Variants in ARMH3 observed in about 807,000 individuals in gnomAD.
The protein encoded by ARMH3 is armadillo-like helical domain-containing protein 3.
A neutral mutation model predicts 99.1 loss-of-function variants in ARMH3; 60 were observed. The ratio of observed to expected loss-of-function variants is 0.61; its 90% CI spans 0.49 to 0.75. The LOEUF (loss-of-function observed/expected upper bound fraction) is 0.75. ARMH3 is among the 30% of genes least tolerant of loss of function. The probability of loss-of-function intolerance (pLI) is 0.00; values close to 1 mark genes in which losing one functional copy is unlikely to be tolerated. For synonymous variants in ARMH3, 285 were observed against 292.8 expected, an observed-to-expected ratio of 0.97 and a Z score of 0.27; for missense variants, 679 against 843.1, an observed-to-expected ratio of 0.81 and a Z score of 2.41.
intron 8 of ARMH3, among the ~76,000 whole-genome samples, chr10:102,015,311 T>C (rs183592038): frequency 2.4e-4 from 37 of 151,932 alleles, no homozygotes; most frequent in East Asian, 1.2e-3. Flanking sequence ...AGAGTAACAC[T>C]AGAAAGAGCA....
chr10:101,954,067 C>G (rs1455930473), intron 22 of ARMH3, among the ~76,000 whole-genome samples: 1 of 152,158 alleles, frequency 6.6e-6, no homozygotes, highest in African/African-American at 2.4e-5. Context: ...TGGCATGTAC[C>G]TGTAGTCCCA....
At position 102,020,802 on chromosome 10, in the gene ARMH3, C is replaced by T. The variant is rs375793780; in HGVS notation, c.669+2675G>A. 4.1e-4 allele frequency among the ~76,000 whole-genome samples: 61 copies of T among 149,280 alleles called. 2 individuals are homozygous for T. The highest frequency in any genetic ancestry group is 1.5e-3 in the African/African-American group (60 of 40,530). ...TGGGAGGCAGAGATTGCAGTGAGAT[C>T]GCACCACTGCACTACAGCCTGGGCA... On this transcript the variant is annotated intron_variant, in intron 8 of 25. Coordinates refer to ENST00000370033, the MANE Select transcript of ARMH3 (RefSeq NM_024541.3).
At chr10:101,852,419 G>A (rs570518103) in intron 24 of ARMH3, among the ~76,000 whole-genome samples, 1 of 152,324 alleles carries the variant, frequency 6.6e-6, no homozygotes, top group South Asian at 2.1e-4. Context: ...GTTACAGGGA[G>A]GTGAGAGCAG....
intron 23 of ARMH3, among the ~76,000 whole-genome samples, chr10:101,906,191 T>C (rs1194501817): frequency 6.6e-6 from 1 of 152,264 alleles, no homozygotes; most frequent in Non-Finnish European, 1.5e-5. Flanking sequence ...TTTTTTCTTT[T>C]GGTATTTATT....
intron 24 of ARMH3, among the ~76,000 whole-genome samples, chr10:101,872,473 G>A (rs1469249009): frequency 1.3e-5 from 2 of 152,052 alleles, no homozygotes; most frequent in Non-Finnish European, 2.9e-5. Flanking sequence ...AAGGTGGGTG[G>A]ATCACTTGAG....
At chr10:101,958,057 T>C (rs901177310) in intron 20 of ARMH3, among the ~76,000 whole-genome samples, 2 of 152,242 alleles carry the variant, frequency 1.3e-5, no homozygotes, top group Non-Finnish European at 2.9e-5. Flanking sequence ...GATTTCCCCA[T>C]CAAATTTGCT....
At position 102,023,579 on chromosome 10, in the gene ARMH3, A is replaced by G. The variant is rs2066935722; in HGVS notation, c.583-16T>C. On this transcript the variant is annotated splice_polypyrimidine_tract_variant and intron_variant, in intron 7 of 25. Transcript: ENST00000370033. The stretch of plus-strand genomic sequence containing the variant: ...GGGAAAGTATCTGTAACAAGAACCA[A>G]AAATGCATGAGACTGCTAACTCCTG... The G allele has an allele frequency of 6.2e-7, 1 of 1,612,586 alleles. No homozygotes were observed. Among genetic ancestry groups the G allele is most frequent in the African/African-American group, 1.3e-5 (1 of 74,890 alleles).
intron 1 of ARMH3, among the ~76,000 whole-genome samples, chr10:102,042,728 CA>C (rs984727456): frequency 2.0e-5 from 3 of 152,204 alleles, no homozygotes; most frequent in Non-Finnish European, 4.4e-5. Flanking sequence ...AGAACTCTAA[CA>C]AAACTTTTTC....
chr10:101,862,642 A>T (rs1157711399), intron 24 of ARMH3, among the ~76,000 whole-genome samples: 1 of 152,172 alleles, frequency 6.6e-6, no homozygotes, highest in Non-Finnish European at 1.5e-5. Flanking sequence ...CCTTATAGCA[A>T]CCACTAAAAA....
At chr10:101,903,287 G>T (rs571737905) in intron 23 of ARMH3, among the ~76,000 whole-genome samples, 1 of 152,294 alleles carries the variant, frequency 6.6e-6, no homozygotes, top group South Asian at 2.1e-4. Context: ...AGTGACTCTT[G>T]ATAATTCAGT....
chr10:102,007,336 TA>T (rs34558673), intron 13 of ARMH3, among the ~76,000 whole-genome samples: 9,488 of 132,492 alleles, frequency 0.072, 322 homozygotes, highest in African/African-American at 0.092. Context: ...CACAGACATT[TA>T]AAAAAAAAAA....
chr10:102,034,402 T>C (rs913846663), intron 2 of ARMH3, among the ~76,000 whole-genome samples: 1 of 151,908 alleles, frequency 6.6e-6, no homozygotes, highest in African/African-American at 2.4e-5. Context: ...TTTGGGAGGC[T>C]GAGGTGGGCA....
intron 24 of ARMH3, among the ~76,000 whole-genome samples, chr10:101,868,131 A>T (rs1330764375): frequency 6.6e-6 from 1 of 152,220 alleles, no homozygotes; most frequent in African/African-American, 2.4e-5. Flanking sequence ...GGTTGCAGAT[A>T]TGGATCTTGG....
chr10:101,908,673 T>C (rs1393706055), intron 23 of ARMH3, among the ~76,000 whole-genome samples: 1 of 151,566 alleles, frequency 6.6e-6, no homozygotes, highest in Non-Finnish European at 1.5e-5. Flanking sequence ...TCTTTTTTTT[T>C]TTTTTTTGAG....
At chr10:101,859,740 G>C (rs1399263915) in intron 24 of ARMH3, among the ~76,000 whole-genome samples, 1 of 152,178 alleles carries the variant, frequency 6.6e-6, no homozygotes, top group Non-Finnish European at 1.5e-5. Context: ...AAGAGTTGCT[G>C]AGCCATTTTT....
intron 15 of ARMH3, among the ~76,000 whole-genome samples, chr10:101,997,583 T>A (rs1202254945): frequency 6.8e-6 from 1 of 146,314 alleles, no homozygotes; most frequent in Non-Finnish European, 1.5e-5. Flanking sequence ...AGAGCAAGAC[T>A]CCGTCTCAAA....
chr10:101,946,071 CAAAAAAAAAAAAAAAAAAAAAAAAA>C (rs569179050), intron 22 of ARMH3, among the ~76,000 whole-genome samples: 3 of 34,502 alleles, frequency 8.7e-5, no homozygotes, highest in East Asian at 9.2e-4. Context: ...GACTCTGCCT[CAAAAAAAAAAAAAAAAAAAAAAAAA>C]AAAAAAAGTC....
At chr10:101,909,834 A>G (rs1398918035) in intron 23 of ARMH3, among the ~76,000 whole-genome samples, 3 of 152,110 alleles carry the variant, frequency 2.0e-5, no homozygotes, top group Non-Finnish European at 4.4e-5. Flanking sequence ...ATATCTATAT[A>G]TACCTATTAT....
At position 101,952,303 on chromosome 10, in the gene ARMH3, G is replaced by C. The variant is rs1438825076; in HGVS notation, c.1705+4294C>G. On this transcript the variant is annotated intron_variant, in intron 22 of 25. Coordinates refer to ENST00000370033, the MANE Select transcript of ARMH3 (RefSeq NM_024541.3). ...TTTTTCTCTATAATCCACAATCCAA[G>C]TCAAACCATGAGTAAAACACAAGAC... Among the ~76,000 whole-genome samples, 4 of 152,012 alleles carry C rather than the reference G, an allele frequency of 2.6e-5. No homozygotes were observed. In the East Asian group the frequency reaches 7.7e-4, roughly 29 times the overall value.
Sources: gnomAD v4.1 joint callset for allele counts (sites outside exome capture counted in the v4.1 genomes callset) on GRCh38, gnomAD v4.1.1 for gene constraint, MANE v1.5 for transcripts, NCBI Gene and HGNC (gene_info 2026-07-23, HGNC 2026-07-21) for gene names.